The following SLTM variants were observed in gnomAD, a reference collection of about 807,000 sequenced individuals.
SLTM encodes SAFB like transcription modulator, also known as SAFB-like transcription modulator.
A neutral mutation model predicts 134.6 loss-of-function variants in SLTM; 43 were observed. The ratio of observed to expected loss-of-function variants is 0.32; its 90% CI spans 0.25 to 0.41. SLTM has a LOEUF of 0.41. SLTM is among the 10% of genes least tolerant of loss of function. The pLI is 1.00. For synonymous variants in SLTM, 424 were observed against 432.3 expected, an observed-to-expected ratio of 0.98 and a Z score of 0.24; for missense variants, 1,055 against 1,288.8, an observed-to-expected ratio of 0.82 and a Z score of 2.78.
chr15:58,903,020 G>C (rs1304349621), intron 5 of SLTM, among the ~76,000 whole-genome samples: 2 of 152,102 alleles, frequency 1.3e-5, no homozygotes, highest in Non-Finnish European at 2.9e-5. Context: ...TCCTGCTTCA[G>C]CCTCCCAAGT....
Position 58,879,956 on chromosome 15 carries a change from G to T in SLTM, c.*43C>A, listed in dbSNP as rs764630185. The T allele has an allele frequency of 1.9e-5, 30 of 1,602,368 alleles. No individual in the cohort carries two copies. In the East Asian group the frequency reaches 6.3e-4, roughly 34 times the overall value. ...AAGTAGTCAAGTAAAGTTTACAGGA[G>T]ATTTCAATAAATTATCTTAAAACCT... On this transcript the variant is annotated 3_prime_UTR_variant, in exon 21 of 21. Transcript: ENST00000380516.
chr15:58,890,698 T>A (rs1332685364), intron 14 of SLTM, among the ~76,000 whole-genome samples: 2 of 152,244 alleles, frequency 1.3e-5, no homozygotes, highest in African/African-American at 4.8e-5. Flanking sequence ...TATAGAGTAG[T>A]TGCCTCTTAG....
intron 5 of SLTM, among the ~76,000 whole-genome samples, chr15:58,905,324 C>G (rs946941345): frequency 6.6e-6 from 1 of 152,142 alleles, no homozygotes; most frequent in Non-Finnish European, 1.5e-5. Flanking sequence ...TTCACATTCT[C>G]TTTTAGTTTA....
intron 19 of SLTM, among the ~76,000 whole-genome samples, chr15:58,885,769 G>A (rs1181680803): frequency 6.6e-6 from 1 of 151,992 alleles, no homozygotes; most frequent in East Asian, 1.9e-4. Context: ...GTTTGACAGA[G>A]TAAGACTCCA....
At chr15:58,893,672 A>G in intron 12 of SLTM, 149 bp downstream of exon 12, 2 of 792,070 alleles carry the variant, frequency 2.5e-6, no homozygotes, top group Admixed American at 6.2e-5. Context: ...AGAAAAGAAG[A>G]CAATTACTCC....
At chr15:58,889,606 A>ATAAG in intron 15 of SLTM, 52 bp from the exon 16 acceptor site, 1 of 1,606,794 alleles carries the variant, frequency 6.2e-7, no homozygotes, top group Non-Finnish European at 8.5e-7. Flanking sequence ...AAAACATAAG[A>ATAAG]TAAGTATACA....
chr15:58,890,375 CTCTG>C lies in SLTM; in HGVS notation c.1981_1984del (p.Gln661GlufsTer6). 2 of 1,614,110 alleles carry C rather than the reference CTCTG, an allele frequency of 1.2e-6. No homozygotes were observed. Among genetic ancestry groups the C allele is most frequent in the Non-Finnish European group, 1.7e-6 (2 of 1,180,000 alleles). On this transcript the variant is annotated frameshift_variant, in exon 15 of 21. Coordinates refer to ENST00000380516, the MANE Select transcript of SLTM (RefSeq NM_024755.4). LOFTEE classifies it high-confidence loss of function. ...TTCAATTTCTAGGCGCTCTCTCTCT[CTCTG>C]TAAGCGTTCCCGTTCTTCCCGTTCA...
At chr15:58,929,125 A>C (rs1287173433) in intron 2 of SLTM, among the ~76,000 whole-genome samples, 1 of 152,220 alleles carries the variant, frequency 6.6e-6, no homozygotes, top group Non-Finnish European at 1.5e-5. Flanking sequence ...TAAGTAAAAC[A>C]AGATCTGGCA....
intron 2 of SLTM, 42 bp from the exon 3 acceptor site, chr15:58,917,041 A>C (rs1387924897): frequency 1.9e-6 from 3 of 1,573,128 alleles, no homozygotes; most frequent in Non-Finnish European, 2.6e-6. Flanking sequence ...ATATTTTATT[A>C]CTTTAAGAAC....
intron 1 of SLTM, among the ~76,000 whole-genome samples, 156 bp from the exon 2 acceptor site, chr15:58,932,599 C>A (rs962921732): frequency 2.0e-5 from 3 of 152,088 alleles, no homozygotes; most frequent in Non-Finnish European, 2.9e-5. Flanking sequence ...TTAAACTACA[C>A]GAAAGAGTGA....
chr15:58,879,354 C>A lies in SLTM; in HGVS notation c.*645G>T, dbSNP rs987022260. 2.0e-5 allele frequency: 3 copies of A among 152,480 alleles called. No individual in the cohort carries two copies. The highest frequency in any genetic ancestry group is 4.8e-5 in the African/African-American group (2 of 41,452). The allele number at this position is 152,480 out of a possible 1,614,324, so 9.4% of individuals were successfully genotyped here. ...TGGTTTCATACCATGCAAACCTGAA[C>A]AAGTGTGCTGCTACACTAAACTGAA... On this transcript the variant is annotated 3_prime_UTR_variant, in exon 21 of 21. Transcript: ENST00000380516.
At chr15:58,930,170 C>T (rs2037765663) in intron 2 of SLTM, among the ~76,000 whole-genome samples, 1 of 151,806 alleles carries the variant, frequency 6.6e-6, no homozygotes, top group African/African-American at 2.4e-5. Context: ...AGTGGAGTGA[C>T]CTTAGCTCAC....
chr15:58,898,901 A>T (rs1291251418), intron 7 of SLTM, 49 bp from the exon 8 acceptor site: 1 of 1,365,276 alleles, frequency 7.3e-7, no homozygotes, highest in Non-Finnish European at 1.0e-6. Context: ...AACAAAAACA[A>T]ACCCAAAACA....
chr15:58,881,932 C>T (rs1407839891), intron 20 of SLTM, among the ~76,000 whole-genome samples: 2 of 151,686 alleles, frequency 1.3e-5, no homozygotes, highest in East Asian at 2.0e-4. Context: ...GCCACACGGC[C>T]GGGCGCAGTG....
At chr15:58,902,540 C>T (rs1030106498) in intron 5 of SLTM, among the ~76,000 whole-genome samples, 1 of 151,518 alleles carries the variant, frequency 6.6e-6, no homozygotes, top group African/African-American at 2.4e-5. Flanking sequence ...TGTGTGCCAC[C>T]ATGTCCAGCG....
rs777255032 is a variant in SLTM, at chr15:58,879,124, C to T, written c.*875G>A. 1.1e-4 allele frequency: 17 copies of T among 152,250 alleles called. No individual in the cohort carries two copies. Among genetic ancestry groups the T allele is most frequent in the Non-Finnish European group, 2.4e-4 (16 of 68,038 alleles). 9.4% of individuals were successfully genotyped at this position (152,250 alleles called of 1,614,324 possible). On this transcript the variant is annotated 3_prime_UTR_variant, in exon 21 of 21. Transcript: ENST00000380516. The stretch of plus-strand genomic sequence containing the variant: ...ACATACAAGTATTTACAAAACCCAA[C>T]TGATTCACCCATCTAGAACCTGGGT...
At chr15:58,928,543 C>T (rs2037642812) in intron 2 of SLTM, among the ~76,000 whole-genome samples, 1 of 152,070 alleles carries the variant, frequency 6.6e-6, no homozygotes, top group Admixed American at 6.6e-5. Context: ...ATTGTTTGTG[C>T]TTGTAATAGC....
chr15:58,929,448 C>G (rs2037715003), intron 2 of SLTM, among the ~76,000 whole-genome samples: 1 of 150,986 alleles, frequency 6.6e-6, no homozygotes, highest in Admixed American at 6.6e-5. Flanking sequence ...AACTCCATCT[C>G]AAAAAAAAGA....
Position 58,899,486 on chromosome 15 carries a change from G to A in SLTM, c.1041C>T (p.Ala347=). 2.5e-6 allele frequency: 4 copies of A among 1,613,936 alleles called. No homozygotes were observed. In the South Asian group the frequency reaches 4.4e-5, roughly 18 times the overall value. The change falls in exon 7 of 21, where the codon GCC becomes GCT. Residue 347 remains alanine, a synonymous_variant. Transcript: ENST00000380516. This position sits in a 1 kb window ranked among gnomAD's most constrained non-coding sequence, Gnocchi z 5.0. ...AAACAAACCTCTTTGCTTGACCAGA[G>A]GCCCCAGTAGACGAGGGCCCTTTCT... ...TLKKGPSSTG[A]SGQAKSSSKE... is the part of the protein sequence containing the mutation.
Sources: gnomAD v4.1 joint callset for allele counts (sites outside exome capture counted in the v4.1 genomes callset) on GRCh38, gnomAD v4.1.1 for gene constraint, Gnocchi (gnomAD v3.1) non-coding constraint, MANE v1.5 for transcripts, NCBI Gene and HGNC (gene_info 2026-07-23, HGNC 2026-07-21) for gene names.